STXBP5L: variants seen among roughly 807,000 people sequenced by gnomAD.
STXBP5L encodes the protein syntaxin-binding protein 5-like.
A neutral mutation model predicts 144.5 loss-of-function variants in STXBP5L; 65 were observed. That is an observed-to-expected ratio of 0.45 (90% CI 0.37 to 0.55). The LOEUF is 0.55. STXBP5L is among the 20% of genes least tolerant of loss of function. The pLI, the probability that STXBP5L is intolerant of heterozygous loss-of-function variation, is 0.00. For missense variants in STXBP5L, 1,298 were observed against 1,405.5 expected (o/e 0.92, Z 1.22); for synonymous variants, 505 against 469.6 (o/e 1.08, Z -0.97).
chr3:121,012,639 T>C (rs145083444), intron 3 of STXBP5L, among the ~76,000 whole-genome samples: 1 of 151,826 alleles, frequency 6.6e-6, no homozygotes. Flanking sequence ...TAGAGAAATG[T>C]CGATTTAAAT....
intron 11 of STXBP5L, among the ~76,000 whole-genome samples, chr3:121,223,769 A>G (rs906487069): frequency 6.6e-6 from 1 of 152,134 alleles, no homozygotes; most frequent in Non-Finnish European, 1.5e-5. Context: ...CTTATATGCA[A>G]TCTGTATAAT....
chr3:121,233,723 C>T, intron 12 of STXBP5L, 35 bp downstream of exon 12: 2 of 1,445,424 alleles, frequency 1.4e-6, no homozygotes, highest in Middle Eastern at 1.8e-4. Flanking sequence ...CACTTTTAAA[C>T]TCTATTTATT....
intron 3 of STXBP5L, among the ~76,000 whole-genome samples, chr3:120,976,310 A>G (rs953242876): frequency 6.6e-6 from 1 of 152,134 alleles, no homozygotes; most frequent in African/African-American, 2.4e-5. Flanking sequence ...CATTTTTCCT[A>G]GATTTTCTAG....
intron 7 of STXBP5L, among the ~76,000 whole-genome samples, chr3:121,122,852 A>G (rs985081695): frequency 6.6e-6 from 1 of 151,498 alleles, no homozygotes; most frequent in Non-Finnish European, 1.5e-5. Context: ...ATCTCATAAT[A>G]AGAGATAGGC....
intron 5 of STXBP5L, among the ~76,000 whole-genome samples, chr3:121,075,426 G>A (rs1027890793): frequency 6.6e-6 from 1 of 152,024 alleles, no homozygotes; most frequent in East Asian, 1.9e-4. Flanking sequence ...CTTTTCCTTG[G>A]CTCTGCATCT....
chr3:121,361,876 T>C (rs1413983436), intron 20 of STXBP5L, among the ~76,000 whole-genome samples: 1 of 152,196 alleles, frequency 6.6e-6, no homozygotes, highest in Non-Finnish European at 1.5e-5. Flanking sequence ...TGTGTGGGCA[T>C]TGAAGAGTTA....
intron 3 of STXBP5L, among the ~76,000 whole-genome samples, chr3:120,986,153 GTTGT>G (rs1231043197): frequency 4.0e-5 from 6 of 151,736 alleles, no homozygotes; most frequent in Non-Finnish European, 7.4e-5. Context: ...TGATCAATTG[GTTGT>G]TTAACAGTGT....
intron 18 of STXBP5L, among the ~76,000 whole-genome samples, chr3:121,269,752 A>G (rs548309336): frequency 1.3e-5 from 2 of 152,324 alleles, no homozygotes; most frequent in South Asian, 4.1e-4. Context: ...AATGTCTCAA[A>G]GTAGGGAGAT....
intron 5 of STXBP5L, among the ~76,000 whole-genome samples, chr3:121,051,000 A>G (rs938722937): frequency 1.3e-5 from 2 of 152,234 alleles, no homozygotes; most frequent in South Asian, 2.1e-4. Context: ...GCCATTACAT[A>G]ATGGTAAAGG....
At chr3:121,240,905 A>G (rs2049643868) in intron 14 of STXBP5L, among the ~76,000 whole-genome samples, 1 of 152,204 alleles carries the variant, frequency 6.6e-6, no homozygotes, top group Non-Finnish European at 1.5e-5. Flanking sequence ...ACCAGAAATA[A>G]CACTCCTTTG....
intron 22 of STXBP5L, among the ~76,000 whole-genome samples, chr3:121,397,857 A>C (rs1371617941): frequency 6.6e-6 from 1 of 152,166 alleles, no homozygotes; most frequent in Non-Finnish European, 1.5e-5. Flanking sequence ...GGCTTTACCA[A>C]CTCCAACTAT....
intron 20 of STXBP5L, among the ~76,000 whole-genome samples, chr3:121,361,033 G>A (rs201365361): frequency 4.2e-4 from 64 of 152,086 alleles, no homozygotes; most frequent in East Asian, 1.2e-3. Context: ...TATTAGTTCC[G>A]CATGTTTCAA....
At chr3:121,353,771 T>C (rs1458784645) in intron 20 of STXBP5L, among the ~76,000 whole-genome samples, 2 of 152,228 alleles carry the variant, frequency 1.3e-5, no homozygotes, top group East Asian at 1.9e-4. Flanking sequence ...TTAATTGTGA[T>C]GTTAGGGTGT....
intron 7 of STXBP5L, among the ~76,000 whole-genome samples, chr3:121,124,252 AG>A (rs1286184962): frequency 6.6e-6 from 1 of 151,842 alleles, no homozygotes; most frequent in Non-Finnish European, 1.5e-5. Flanking sequence ...ATATCTGGTA[AG>A]CTGGTCCCTT....
intron 12 of STXBP5L, among the ~76,000 whole-genome samples, chr3:121,236,841 C>T (rs1019026489): frequency 3.9e-5 from 6 of 152,216 alleles, no homozygotes; most frequent in Admixed American, 6.5e-5. Flanking sequence ...GAAACAAGTT[C>T]TTTACTTCCA....
intron 19 of STXBP5L, among the ~76,000 whole-genome samples, chr3:121,302,726 A>G (rs1263321274): frequency 6.6e-6 from 1 of 152,144 alleles, no homozygotes. Context: ...AAATAATGCC[A>G]CCTGTCTACA....
intron 7 of STXBP5L, among the ~76,000 whole-genome samples, chr3:121,122,774 T>C (rs2044527285): frequency 6.6e-6 from 1 of 151,366 alleles, no homozygotes; most frequent in Admixed American, 6.6e-5. Flanking sequence ...ATAGGGTTGT[T>C]AGTTACTGTG....
chr3:121,157,715 G>C (rs61290209), intron 9 of STXBP5L, 88 bp downstream of exon 9: 1 of 1,508,788 alleles, frequency 6.6e-7, no homozygotes, highest in African/African-American at 1.5e-5. Flanking sequence ...GCGTTTGGTA[G>C]AAAAAAGTAA....
Position 121,138,191 on chromosome 3 carries a change from A to C in STXBP5L, c.670-14286A>C, listed in dbSNP as rs566131049. Among the ~76,000 whole-genome samples, 15 of 152,188 alleles carry C rather than the reference A, an allele frequency of 9.9e-5. No individual in the cohort carries two copies. In the East Asian group the frequency reaches 2.9e-3, roughly 29 times the overall value. On this transcript the variant is annotated intron_variant, in intron 7 of 26. Transcript: ENST00000471454. ...TACCATATCCATTAAAAAAACTGGG[A>C]ATAAATTTAAGGAGGTGAAAGGAGG...
Sources: allele counts gnomAD v4.1 joint callset (sites outside exome capture counted in the v4.1 genomes callset), GRCh38; gene constraint gnomAD v4.1.1; transcripts MANE v1.5; gene names NCBI Gene and HGNC (gene_info 2026-07-23, HGNC 2026-07-21).